Variants in HLA-DRB5 observed in about 807,000 individuals in gnomAD.
HLA-DRB5 encodes the protein major histocompatibility complex, class II, DR beta 5.
A neutral mutation model predicts 22.4 loss-of-function variants in HLA-DRB5; 11 were observed. The observed-to-expected ratio is 0.49, with a 90% confidence interval of 0.31 to 0.81. The LOEUF (loss-of-function observed/expected upper bound fraction) is 0.81. Ranked by LOEUF, HLA-DRB5 falls within the 40% of genes least tolerant of loss-of-function variation. The pLI, the probability that HLA-DRB5 is intolerant of heterozygous loss-of-function variation, is 0.05. For synonymous variants in HLA-DRB5, 57 were observed against 106.0 expected (o/e 0.54, Z 2.84); for missense variants, 106 against 274.4 (o/e 0.39, Z 4.34).
intron 1 of HLA-DRB5, among the ~76,000 whole-genome samples, chr6:32,523,114 G>T (rs186828808): frequency 0.15 from 8,536 of 55,952 alleles, 526 homozygotes; most frequent in Middle Eastern, 0.24. Flanking sequence ...TAAAGACAGT[G>T]GGAAAGTATC....
Position 32,522,481 on chromosome 6 carries a change from C to T in HLA-DRB5, c.101-307G>A, listed in dbSNP as rs1388963805. Among the ~76,000 whole-genome samples, 205 of 39,594 alleles carry T rather than the reference C, an allele frequency of 5.2e-3. 36 individuals carry two copies. Among genetic ancestry groups the T allele is most frequent in the East Asian group, 0.045 (61 of 1,352 alleles). 26.0% of individuals were successfully genotyped at this position (39,594 alleles called of 152,430 possible). ...GGAGGATCCGCCCAGCACCGGAGCCCGCGCCGCCTCCTCCTGGGAGCCTGC... is the reference window on the plus strand; with the variant it reads ...GGAGGATCCGCCCAGCACCGGAGCCTGCGCCGCCTCCTCCTGGGAGCCTGC... On this transcript the variant is annotated intron_variant, in intron 1 of 5. Transcript: ENST00000374975.
intron 1 of HLA-DRB5, among the ~76,000 whole-genome samples, chr6:32,524,412 A>G (rs1414653544): frequency 8.0e-6 from 1 of 125,476 alleles, no homozygotes; most frequent in Non-Finnish European, 1.7e-5. Flanking sequence ...TAATGCCCCA[A>G]CTAACTCACG....
chr6:32,519,211 G>C (rs149361627), intron 3 of HLA-DRB5, among the ~76,000 whole-genome samples, 159 bp downstream of exon 3: 817 of 27,290 alleles, frequency 0.03, 1 homozygote, highest in Admixed American at 0.039. Flanking sequence ...GGTGTTTCTA[G>C]AAACTATACA....
rs534844654 is a variant in HLA-DRB5 at position 32,526,335 on chromosome 6, A to T, written c.100+3790T>A. Among the ~76,000 whole-genome samples the T allele has an allele frequency of 8.8e-3, 186 of 21,158 alleles. 10 individuals carry two copies. Among genetic ancestry groups the T allele is most frequent in the Admixed American group, 9.5e-3 (14 of 1,478 alleles). The allele number at this position is 21,158 out of a possible 152,430, so 13.9% of individuals were successfully genotyped here. Reference sequence around the variant, plus strand: ...TTTTCTTGACTTACACATATGATGTAATCTTGGTTTTTTCCCAACATCCCT... The same window carrying T: ...TTTTCTTGACTTACACATATGATGTTATCTTGGTTTTTTCCCAACATCCCT... On this transcript the variant is annotated intron_variant, in intron 1 of 5. Coordinates refer to ENST00000374975, the MANE Select transcript of HLA-DRB5 (RefSeq NM_002125.4).
In HLA-DRB5 at chr6:32,530,119, A is replaced by T. The variant is rs76562035; in HGVS notation, c.100+6T>A. 46,881 of 1,228,540 alleles carry T rather than the reference A, an allele frequency of 0.038. 1 individual carries two copies. Among genetic ancestry groups the T allele is most frequent in the Middle Eastern group, 0.088 (375 of 4,284 alleles). The allele number at this position is 1,228,540 out of a possible 1,614,324, so 76.1% of individuals were successfully genotyped here. A position where few individuals can be genotyped will look rare whatever the true frequency, so the allele number is the denominator to read the frequency against. Reference sequence around the variant, plus strand: ...TAGTAGCTCAGCACCCACAATGTGCACTTACGTCGGGTGTCCCCAGCCAAA... The same window carrying T: ...TAGTAGCTCAGCACCCACAATGTGCTCTTACGTCGGGTGTCCCCAGCCAAA... On this transcript the variant is annotated splice_donor_region_variant and intron_variant, in intron 1 of 5. Coordinates refer to ENST00000374975, the MANE Select transcript of HLA-DRB5 (RefSeq NM_002125.4).
chr6:32,529,695 C>G (rs796645157), intron 1 of HLA-DRB5, among the ~76,000 whole-genome samples: 9,662 of 64,572 alleles, frequency 0.15, 426 homozygotes, highest in Middle Eastern at 0.22. Context: ...CAGGTTCTGT[C>G]AAGGGCATAA....
intron 1 of HLA-DRB5, among the ~76,000 whole-genome samples, chr6:32,522,759 T>C (rs1204625286): frequency 7.8e-5 from 4 of 51,538 alleles, no homozygotes; most frequent in African/African-American, 3.2e-4. Context: ...AGTGTGGAGT[T>C]CCAGAACACA....
chr6:32,529,034 T>C (rs1183126237), intron 1 of HLA-DRB5, among the ~76,000 whole-genome samples: 1 of 148,514 alleles, frequency 6.7e-6, no homozygotes, highest in African/African-American at 2.5e-5. Flanking sequence ...ACAACATAGC[T>C]GGGGAAAAAT....
At chr6:32,520,684 TA>T (rs1475638416) in intron 2 of HLA-DRB5, among the ~76,000 whole-genome samples, 6 of 70,906 alleles carry the variant, frequency 8.5e-5, no homozygotes, top group South Asian at 4.1e-4. Context: ...ACATTTTTTT[TA>T]AGAAGGAAGG....
At chr6:32,526,016 G>C (rs868816724) in intron 1 of HLA-DRB5, among the ~76,000 whole-genome samples, 5,576 of 47,326 alleles carry the variant, frequency 0.12, 18 homozygotes, top group Admixed American at 0.17. Context: ...AGGTCCTCCT[G>C]CTTCTCTTCA....
At chr6:32,520,326 C>T (rs113852364) in intron 2 of HLA-DRB5, among the ~76,000 whole-genome samples, 353 of 41,706 alleles carry the variant, frequency 8.5e-3, no homozygotes, top group Middle Eastern at 0.014. Context: ...TTTAGGAATA[C>T]TACTGCCATG....
intron 1 of HLA-DRB5, 93 bp downstream of exon 1, chr6:32,530,032 A>AT (rs1770174204): frequency 4.4e-6 from 3 of 682,278 alleles, no homozygotes; most frequent in African/African-American, 4.8e-5. Flanking sequence ...AAAATGTCAC[A>AT]ATTTCTTAAG....
chr6:32,528,347 A>G (rs1448943011), intron 1 of HLA-DRB5, among the ~76,000 whole-genome samples: 1 of 12,368 alleles, frequency 8.1e-5, no homozygotes, highest in African/African-American at 3.6e-4. Context: ...GAGAGTCGGG[A>G]CCCTCTCTAT....
chr6:32,522,417 C>T lies in HLA-DRB5; in HGVS notation c.101-243G>A, dbSNP rs1769062120. ...CAAGGCTTTTGGGACCCCCTCCCCG[C>T]CTCCAGCCTATTCTGGAGACCTCCA... On this transcript the variant is annotated intron_variant, in intron 1 of 5. Coordinates refer to ENST00000374975, the MANE Select transcript of HLA-DRB5 (RefSeq NM_002125.4). Among the ~76,000 whole-genome samples the T allele has an allele frequency of 4.4e-5, 2 of 45,348 alleles. 1 individual carries two copies. 29.8% of individuals were successfully genotyped at this position (45,348 alleles called of 152,430 possible). A position where few individuals can be genotyped will look rare whatever the true frequency, so the allele number is the denominator to read the frequency against.
chr6:32,529,277 G>T (rs796267097), intron 1 of HLA-DRB5, among the ~76,000 whole-genome samples: 68 of 102,012 alleles, frequency 6.7e-4, no homozygotes, highest in East Asian at 1.9e-3. Flanking sequence ...GACTATTTTT[G>T]ACTTACAAAA....
At chr6:32,523,361 T>G (rs185360013) in intron 1 of HLA-DRB5, among the ~76,000 whole-genome samples, 2 of 37,092 alleles carry the variant, frequency 5.4e-5, no homozygotes, top group Non-Finnish European at 1.1e-4. Context: ...TGTGTAAATA[T>G]ACACATATGT....
intron 2 of HLA-DRB5, among the ~76,000 whole-genome samples, chr6:32,519,943 GAT>G (rs1321114127): frequency 8.2e-3 from 699 of 85,598 alleles, no homozygotes; most frequent in Middle Eastern, 0.011. Context: ...AATTAAAACT[GAT>G]ACCTGAGCCA....
rs749339734 is a variant in HLA-DRB5, at chr6:32,519,560, G to C, written c.462C>G (p.Gly154=). The change falls in exon 3 of 6, where the codon GGC becomes GGG. Residue 154 remains glycine (G), a synonymous_variant. Transcript: ENST00000374975. ...TCCGGAACCACCTGACTTCAATGCT[G>C]CCTGGATAGAAACCATTCACAGAGC... is the stretch of plus-strand genomic sequence containing the variant. The part of the protein sequence containing the change: ...LVCSVNGFYP[G]SIEVRWFRNS... The C allele has an allele frequency of 1.4e-6, 2 of 1,463,912 alleles. No individual in the cohort carries two copies. Among genetic ancestry groups the C allele is most frequent in the South Asian group, 1.1e-5 (1 of 87,530 alleles). 90.7% of individuals were successfully genotyped at this position (1,463,912 alleles called of 1,614,324 possible).
rs796571951 is a variant in HLA-DRB5 at position 32,525,332 on chromosome 6, G to C, written c.101-3158C>G. On this transcript the variant is annotated intron_variant, in intron 1 of 5. Coordinates refer to ENST00000374975, the MANE Select transcript of HLA-DRB5 (RefSeq NM_002125.4). ...TTGTAAGTGTGAAATTTAATAAAGA[G>C]TCTTCTTAGCAGTGATCACATAATA... 7.4e-4 allele frequency among the ~76,000 whole-genome samples: 23 copies of C among 31,036 alleles called. 7 individuals are homozygous for C. The highest frequency in any genetic ancestry group is 9.5e-4 in the Non-Finnish European group (14 of 14,798). The allele number at this position is 31,036 out of a possible 152,430, so 20.4% of individuals were successfully genotyped here. A position where few individuals can be genotyped will look rare whatever the true frequency, so the allele number is the denominator to read the frequency against.
Sources: gnomAD v4.1 joint callset for allele counts (sites outside exome capture counted in the v4.1 genomes callset) on GRCh38, gnomAD v4.1.1 for gene constraint, MANE v1.5 for transcripts, NCBI Gene and HGNC (gene_info 2026-07-23, HGNC 2026-07-21) for gene names.